Variants in STARD13 observed in about 807,000 individuals in gnomAD.
STARD13 encodes the protein stAR-related lipid transfer protein 13.
Under a neutral mutation model 106.4 loss-of-function variants are expected in STARD13, and 62 were observed. That is an observed-to-expected ratio of 0.58 (90% CI 0.48 to 0.72). The LOEUF (loss-of-function observed/expected upper bound fraction) is 0.72, where lower values mean the gene tolerates loss of function less well. Ranked by LOEUF, STARD13 falls within the 30% of genes least tolerant of loss-of-function variation. The pLI is 0.00. For synonymous variants in STARD13, 565 were observed against 553.0 expected (o/e 1.02, Z -0.31); for missense variants, 1,387 against 1,424.0 (o/e 0.97, Z 0.42).
At chr13:33,429,972 C>T in the STARD13 span, among the ~76,000 whole-genome samples, 3 of 150,176 alleles carry the variant, frequency 2.0e-5, no homozygotes, top group Admixed American at 6.6e-5. Flanking sequence ...GGCTGGAGTG[C>T]AGTGGCGCGA....
intron 1 of STARD13, chr13:33,280,545 C>G (rs1053830642): frequency 1.3e-5 from 2 of 152,148 alleles, no homozygotes; most frequent in African/African-American, 4.8e-5. Flanking sequence ...GGCATCAAGA[C>G]AATTCCACTT....
the STARD13 span, among the ~76,000 whole-genome samples, chr13:33,589,875 A>G: frequency 9.2e-5 from 14 of 152,224 alleles, no homozygotes; most frequent in Admixed American, 2.6e-4. Context: ...TGTCTCGTTG[A>G]TCTGTCTAAT....
the STARD13 span, among the ~76,000 whole-genome samples, chr13:33,379,159 A>T: frequency 6.6e-6 from 1 of 152,200 alleles, no homozygotes. Flanking sequence ...ACTTGATCTT[A>T]ACTGTCACTT....
chr13:33,620,317 C>CT, the STARD13 span, among the ~76,000 whole-genome samples: 2 of 149,350 alleles, frequency 1.3e-5, no homozygotes, highest in African/African-American at 5.0e-5. Flanking sequence ...AAGTCTCACT[C>CT]TGTCGCCCAG....
exon 1 of STARD13, chr13:33,350,395 G>C (rs1172598519): frequency 1.3e-6 from 2 of 1,533,488 alleles, no homozygotes; most frequent in African/African-American, 1.4e-5. Flanking sequence ...GTTTGGCAAG[G>C]TTTCCGTTTG....
chr13:33,257,783 A>G (rs1396504393), intron 1 of STARD13, among the ~76,000 whole-genome samples: 3 of 152,244 alleles, frequency 2.0e-5, no homozygotes, highest in Non-Finnish European at 4.4e-5. Flanking sequence ...AGCCTTTTCA[A>G]TTCCACACAA....
the STARD13 span, among the ~76,000 whole-genome samples, chr13:33,547,812 A>G: frequency 6.6e-6 from 1 of 152,230 alleles, no homozygotes; most frequent in Non-Finnish European, 1.5e-5. Flanking sequence ...TTTCATGAAG[A>G]TCCAAGAAAA....
chr13:33,489,585 T>C, the STARD13 span, among the ~76,000 whole-genome samples: 6 of 152,230 alleles, frequency 3.9e-5, no homozygotes, highest in African/African-American at 1.4e-4. Flanking sequence ...GAAAACAATG[T>C]ACCTATTAAA....
chr13:33,134,282 TA>T (rs1878753880), intron 4 of STARD13, among the ~76,000 whole-genome samples: 2 of 152,272 alleles, frequency 1.3e-5, no homozygotes, highest in African/African-American at 2.4e-5. Context: ...TGATGAGCTT[TA>T]AAAAATGGCC....
the STARD13 span, among the ~76,000 whole-genome samples, chr13:33,649,657 C>T: frequency 6.6e-6 from 1 of 152,124 alleles, no homozygotes; most frequent in Non-Finnish European, 1.5e-5. Flanking sequence ...ATTACCTTTC[C>T]TCAAAACACT....
the STARD13 span, among the ~76,000 whole-genome samples, chr13:33,667,728 C>T: frequency 6.6e-6 from 1 of 152,242 alleles, no homozygotes; most frequent in Non-Finnish European, 1.5e-5. Flanking sequence ...CCTGAATACT[C>T]TTCATTGGTA....
the STARD13 span, among the ~76,000 whole-genome samples, chr13:33,360,807 T>C: frequency 6.9e-6 from 1 of 144,462 alleles, no homozygotes; most frequent in Non-Finnish European, 1.5e-5. Flanking sequence ...TTCTTTTTTT[T>C]TTTTTTGAGA....
chr13:33,113,040 T>C (rs937306531), intron 8 of STARD13, 109 bp from the exon 9 acceptor site: 11 of 768,560 alleles, frequency 1.4e-5, no homozygotes, highest in Non-Finnish European at 1.8e-5. Context: ...CCCAGAGTCA[T>C]CATCAACAAA....
At chr13:33,125,994 G>T (rs1238370338) in intron 7 of STARD13, 87 bp downstream of exon 7, 1 of 1,456,402 alleles carries the variant, frequency 6.9e-7, no homozygotes. Flanking sequence ...GCCTGATATT[G>T]GGCAGATCTG....
Position 33,112,834 on chromosome 13 carries a change from C to G in STARD13, c.2379G>C (p.Leu793=). The G allele has an allele frequency of 6.2e-7, 1 of 1,614,030 alleles. No individual in the cohort carries two copies. Residue 793 remains leucine (L), a synonymous_variant, in exon 9 of 14, where the codon CTG becomes CTC. Transcript: ENST00000336934. ...CTTCCACCAAGTTGACGACGTCGTT[C>G]AGGAAACACAAGAGCGTCTGCAGGA... ...REVLQTLLCF[L]NDVVNLVEEN...
Position 33,105,578 on chromosome 13 carries a change from C to A in STARD13, c.*15G>T. ...GCTTCCTCTTCCCTGAGTTTGATGT[C>A]ACACTGGGCAAAACTCAGATTTTAG... On this transcript the variant is annotated 3_prime_UTR_variant, in exon 14 of 14. Coordinates refer to ENST00000336934, the MANE Select transcript of STARD13 (RefSeq NM_178006.4). 2 of 1,567,400 alleles carry A rather than the reference C, an allele frequency of 1.3e-6. No homozygotes were observed. Among genetic ancestry groups the A allele is most frequent in the South Asian group, 2.2e-5 (2 of 90,192 alleles).
Position 33,135,955 on chromosome 13 carries a change from C to T in STARD13, c.388-5666G>A, listed in dbSNP as rs182012973. On this transcript the variant is annotated intron_variant, in intron 4 of 13. Coordinates refer to ENST00000336934, the MANE Select transcript of STARD13 (RefSeq NM_178006.4). The stretch of plus-strand genomic sequence containing the variant: ...CTGACCAACATGGTGAAACCCATCA[C>T]TACTAAAAATACAGAAATTAGCCTG... Among the ~76,000 whole-genome samples the T allele has an allele frequency of 3.5e-4, 54 of 152,176 alleles. 1 individual carries two copies. The highest frequency in any genetic ancestry group is 5.9e-4 in the Admixed American group (9 of 15,276).
At chr13:33,330,082 A>T (rs1354500654) in intron 1 of STARD13, among the ~76,000 whole-genome samples, 1 of 152,212 alleles carries the variant, frequency 6.6e-6, no homozygotes, top group East Asian at 1.9e-4. Flanking sequence ...AAAATGCTGC[A>T]GTGAACATGG....
chr13:33,363,067 C>G, the STARD13 span, among the ~76,000 whole-genome samples: 1 of 152,332 alleles, frequency 6.6e-6, no homozygotes, highest in Middle Eastern at 3.4e-3. Context: ...CATCTACTCC[C>G]AGGGACACAC....
Sources: allele counts gnomAD v4.1 joint callset (sites outside exome capture counted in the v4.1 genomes callset), GRCh38; gene constraint gnomAD v4.1.1; transcripts MANE v1.5; gene names NCBI Gene and HGNC (gene_info 2026-07-23, HGNC 2026-07-21).